Variants in CEP85L observed in about 807,000 individuals in gnomAD.
CEP85L encodes the protein centrosomal protein of 85 kDa-like.
In CEP85L, 60 loss-of-function variants were observed where a neutral mutation model predicts 100.3. That is an observed-to-expected ratio of 0.60 (90% CI 0.49 to 0.74). The LOEUF (loss-of-function observed/expected upper bound fraction) is 0.74. Ranked by LOEUF, CEP85L falls within the 30% of genes least tolerant of loss-of-function variation. The pLI is 0.00. For synonymous variants in CEP85L, 319 were observed against 322.7 expected (o/e 0.99, Z 0.12); for missense variants, 973 against 936.2 (o/e 1.04, Z -0.51).
At chr6:118,507,105 A>G (rs1169299971) in intron 5 of CEP85L, among the ~76,000 whole-genome samples, 1 of 152,116 alleles carries the variant, frequency 6.6e-6, no homozygotes, top group Non-Finnish European at 1.5e-5. Context: ...ACCCACAAAT[A>G]TTACCCTCAT....
chr6:118,565,838 C>T lies in CEP85L; in HGVS notation c.711G>A (p.Lys237=), dbSNP rs771740361. ...DCKYKFESCS[K]EDFRASSSTL... The stretch of plus-strand genomic sequence containing the variant: ...TAGAGGAAGAGGCTCTAAAGTCCTC[C>T]TTGCTACAGCTCTCAAATTTATACT... The change falls in exon 3 of 13, where the codon AAG becomes AAA. Residue 237 remains lysine (K), a synonymous_variant. Transcript: ENST00000368491. The T allele has an allele frequency of 2.5e-6, 4 of 1,614,066 alleles. No individual in the cohort carries two copies. In the Admixed American group the frequency reaches 6.7e-5, roughly 27 times the overall value.
chr6:118,641,998 G>A (rs923199617), intron 1 of CEP85L, among the ~76,000 whole-genome samples: 4 of 152,028 alleles, frequency 2.6e-5, no homozygotes, highest in Non-Finnish European at 4.4e-5. Context: ...CTGCATATGC[G>A]AGTTGGAAAA....
chr6:118,493,749 T>C (rs1774723156), intron 5 of CEP85L, among the ~76,000 whole-genome samples: 2 of 152,020 alleles, frequency 1.3e-5, no homozygotes, highest in Non-Finnish European at 2.9e-5. Context: ...AGAAGAACAG[T>C]AGGTTATATA....
chr6:118,470,424 A>T, intron 11 of CEP85L, 113 bp downstream of exon 11: 1 of 501,028 alleles, frequency 2.0e-6, no homozygotes, highest in Non-Finnish European at 3.5e-6. Flanking sequence ...GAATTAATTA[A>T]CAGGCATATC....
chr6:118,706,827 C>T (rs920240642), intron 1 of CEP85L, among the ~76,000 whole-genome samples: 7 of 152,174 alleles, frequency 4.6e-5, no homozygotes, highest in Admixed American at 2.6e-4. Flanking sequence ...TTCCACTTCT[C>T]GCTTAGCTAC....
chr6:118,498,181 T>C (rs1050990299), intron 5 of CEP85L, among the ~76,000 whole-genome samples: 1 of 151,688 alleles, frequency 6.6e-6, no homozygotes, highest in African/African-American at 2.4e-5. Context: ...AAGAGAAAAA[T>C]TGATTAATAT....
intron 10 of CEP85L, among the ~76,000 whole-genome samples, chr6:118,477,249 T>C (rs906010095): frequency 6.6e-6 from 1 of 152,150 alleles, no homozygotes; most frequent in African/African-American, 2.4e-5. Context: ...AAACAGTAGA[T>C]AAATCTGTAT....
chr6:118,652,173 C>T (rs1775608937), upstream of CEP85L, among the ~76,000 whole-genome samples: 4 of 152,068 alleles, frequency 2.6e-5, no homozygotes, highest in Admixed American at 2.6e-4. Context: ...TAATTAGTAC[C>T]CGAGGGGGAG....
At chr6:118,697,708 C>A (rs893076271) in intron 1 of CEP85L, among the ~76,000 whole-genome samples, 14 of 152,168 alleles carry the variant, frequency 9.2e-5, no homozygotes, top group African/African-American at 3.4e-4. Context: ...GAAGAGCCAT[C>A]AGTATATGAA....
intron 8 of CEP85L, among the ~76,000 whole-genome samples, chr6:118,480,873 T>C (rs1773728642): frequency 6.6e-6 from 1 of 152,152 alleles, no homozygotes; most frequent in African/African-American, 2.4e-5. Flanking sequence ...TTGATTAAGA[T>C]GATCATTGCA....
chr6:118,584,837 T>C (rs950131290), intron 2 of CEP85L, among the ~76,000 whole-genome samples: 1 of 152,260 alleles, frequency 6.6e-6, no homozygotes, highest in Non-Finnish European at 1.5e-5. Flanking sequence ...AGCCTTTGGC[T>C]AACAGATAGC....
intron 1 of CEP85L, among the ~76,000 whole-genome samples, chr6:118,673,913 A>G (rs1160183398): frequency 6.6e-6 from 1 of 152,256 alleles, no homozygotes; most frequent in Non-Finnish European, 1.5e-5. Flanking sequence ...AAATCTTTAG[A>G]AAAATCTCTA....
At chr6:118,638,713 C>A (rs1399187376) in intron 1 of CEP85L, among the ~76,000 whole-genome samples, 1 of 151,592 alleles carries the variant, frequency 6.6e-6, no homozygotes, top group Admixed American at 6.6e-5. Flanking sequence ...CAATATGTTA[C>A]ATTTTTCAAT....
intron 1 of CEP85L, among the ~76,000 whole-genome samples, chr6:118,635,693 T>C (rs1377825532): frequency 1.3e-5 from 2 of 152,210 alleles, no homozygotes; most frequent in African/African-American, 2.4e-5. Context: ...CCCTTGCTTT[T>C]AGGCAATATA....
At chr6:118,663,604 A>G (rs1196735281) in intron 1 of CEP85L, among the ~76,000 whole-genome samples, 1 of 152,204 alleles carries the variant, frequency 6.6e-6, no homozygotes, top group East Asian at 1.9e-4. Flanking sequence ...CAAAATGATG[A>G]GATGCATTCT....
rs533030617 is a variant in CEP85L at position 118,557,405 on chromosome 6, C to T, written c.1020+8124G>A. Among the ~76,000 whole-genome samples the T allele has an allele frequency of 2.3e-3, 351 of 152,268 alleles. 6 individuals carry two copies. The South Asian group carries it at 0.025, about 11-fold the overall frequency. ...AACCCAAAACAAGCTGTACCTTAAA[C>T]CAAATACAGCAGGTCCTCAAATAAC... On this transcript the variant is annotated intron_variant, in intron 3 of 12. Coordinates refer to ENST00000368491, the MANE Select transcript of CEP85L (RefSeq NM_001042475.3).
At chr6:118,636,501 A>T (rs1399527857) in intron 1 of CEP85L, among the ~76,000 whole-genome samples, 1 of 152,236 alleles carries the variant, frequency 6.6e-6, no homozygotes, top group African/African-American at 2.4e-5. Context: ...TTAATTTTAC[A>T]TGACAACTTG....
intron 2 of CEP85L, among the ~76,000 whole-genome samples, chr6:118,600,298 GGGGTGTGTGTGTGTGTGTGTGT>G (rs1781675405): frequency 3.4e-4 from 20 of 59,198 alleles, no homozygotes; most frequent in East Asian, 2.0e-3. Context: ...AGCCTTCCTG[GGGGTGTGTGTGTGTGTGTGTGT>G]GTGTGTGTGT....
chr6:118,491,952 G>A, intron 5 of CEP85L, 87 bp from the exon 6 acceptor site: 1 of 966,016 alleles, frequency 1.0e-6, no homozygotes, highest in East Asian at 2.5e-5. Flanking sequence ...ATAATATAAG[G>A]AGTACATATA....
Sources: allele counts gnomAD v4.1 joint callset (sites outside exome capture counted in the v4.1 genomes callset), GRCh38; gene constraint gnomAD v4.1.1; transcripts MANE v1.5; gene names NCBI Gene and HGNC (gene_info 2026-07-23, HGNC 2026-07-21).